The following CDH20 variants were observed in gnomAD, a reference collection of about 807,000 sequenced individuals.
The protein encoded by CDH20 is cadherin 20, also known as cadherin-20.
CDH20 carries 29 observed loss-of-function variants against 74.2 expected under a neutral mutation model. The ratio of observed to expected loss-of-function variants is 0.39; its 90% CI spans 0.29 to 0.53. The LOEUF (loss-of-function observed/expected upper bound fraction) is 0.53. Ranked by LOEUF, CDH20 falls within the 20% of genes least tolerant of loss-of-function variation. CDH20 has a pLI of 0.69. For synonymous variants in CDH20, 469 were observed against 405.4 expected (o/e 1.16, Z -1.88); for missense variants, 988 against 1,048.3 (o/e 0.94, Z 0.79).
At chr18:61,430,633 T>G (rs1004215354) in intron 1 of CDH20, among the ~76,000 whole-genome samples, 2 of 152,206 alleles carry the variant, frequency 1.3e-5, no homozygotes, top group Non-Finnish European at 2.9e-5. Context: ...TGCCATTTAA[T>G]TAATAATTTT....
chr18:61,436,803 T>G lies in CDH20; in HGVS notation c.-152-53599T>G, dbSNP rs181174783. Reference sequence around the variant, plus strand: ...AGCCTTGGCTAAGCAAATCAGGCTTTTCCTGTTCTGCATTGAGTCTGGAGA... The same window carrying G: ...AGCCTTGGCTAAGCAAATCAGGCTTGTCCTGTTCTGCATTGAGTCTGGAGA... On this transcript the variant is annotated intron_variant, in intron 1 of 11. Coordinates refer to ENST00000262717, the MANE Select transcript of CDH20 (RefSeq NM_031891.4). 2.6e-5 allele frequency among the ~76,000 whole-genome samples: 4 copies of G among 152,200 alleles called. No homozygotes were observed. In the East Asian group the frequency reaches 7.7e-4, roughly 29 times the overall value.
chr18:61,536,236 A>G (rs1447010240), intron 7 of CDH20, among the ~76,000 whole-genome samples: 1 of 152,216 alleles, frequency 6.6e-6, no homozygotes. Context: ...AATAGCTTAC[A>G]ACTTCCCCAA....
chr18:61,366,034 G>GTT (rs1161088976), intron 1 of CDH20, among the ~76,000 whole-genome samples: 1 of 152,086 alleles, frequency 6.6e-6, no homozygotes, highest in Non-Finnish European at 1.5e-5. Flanking sequence ...GCCTCTTACA[G>GTT]TTTTCATATG....
intron 1 of CDH20, among the ~76,000 whole-genome samples, chr18:61,342,846 T>C (rs1909997038): frequency 6.6e-6 from 1 of 152,218 alleles, no homozygotes; most frequent in Admixed American, 6.5e-5. Flanking sequence ...GTAAAAAAGA[T>C]ATATATCAGA....
chr18:61,446,027 A>T (rs1421118295), intron 1 of CDH20, among the ~76,000 whole-genome samples: 1 of 152,122 alleles, frequency 6.6e-6, no homozygotes, highest in Non-Finnish European at 1.5e-5. Context: ...TTCCAATGAC[A>T]AGCATCCCAA....
At chr18:61,530,454 G>C (rs1599150096) in intron 7 of CDH20, among the ~76,000 whole-genome samples, 1 of 152,072 alleles carries the variant, frequency 6.6e-6, no homozygotes, top group African/African-American at 2.4e-5. Context: ...CTGCATTTTT[G>C]TTACAAAGAA....
At chr18:61,532,532 GTATATA>G (rs34829043) in intron 7 of CDH20, among the ~76,000 whole-genome samples, 39 of 145,514 alleles carry the variant, frequency 2.7e-4, no homozygotes, top group African/African-American at 7.0e-4. Flanking sequence ...TGTATTGTAT[GTATATA>G]TATATATATA....
intron 1 of CDH20, among the ~76,000 whole-genome samples, chr18:61,423,078 T>C (rs1393027210): frequency 6.6e-6 from 1 of 152,224 alleles, no homozygotes; most frequent in African/African-American, 2.4e-5. Context: ...TCTGTTCTTT[T>C]TATCAAGAAT....
At chr18:61,473,301 C>T (rs532356440) in intron 1 of CDH20, among the ~76,000 whole-genome samples, 1 of 152,218 alleles carries the variant, frequency 6.6e-6, no homozygotes, top group East Asian at 1.9e-4. Context: ...AATGTATTTC[C>T]CATTAATAAG....
At chr18:61,507,829 A>G (rs521529) in intron 6 of CDH20, among the ~76,000 whole-genome samples, 7,918 of 152,220 alleles carry the variant, frequency 0.052, 315 homozygotes, top group African/African-American at 0.11. Flanking sequence ...CCTTCTACCC[A>G]GCCACTTAAA....
intron 5 of CDH20, among the ~76,000 whole-genome samples, chr18:61,505,184 A>AATTACATAGCTCAGGTT (rs1363139142): frequency 6.6e-6 from 1 of 152,118 alleles, no homozygotes; most frequent in Non-Finnish European, 1.5e-5. Flanking sequence ...AGAACCAGCT[A>AATTACATAGCTCAGGTT]ATTACATAGC....
At chr18:61,501,747 A>C (rs1911391182) in intron 4 of CDH20, among the ~76,000 whole-genome samples, 1 of 152,224 alleles carries the variant, frequency 6.6e-6, no homozygotes, top group Non-Finnish European at 1.5e-5. Context: ...TCTATAAAAC[A>C]GTAACTTTAA....
At chr18:61,461,986 A>G (rs1007090024) in intron 1 of CDH20, among the ~76,000 whole-genome samples, 7 of 152,190 alleles carry the variant, frequency 4.6e-5, no homozygotes, top group Non-Finnish European at 8.8e-5. Context: ...CAGAGGCTGC[A>G]GTGAAGTTAC....
At chr18:61,431,974 C>T (rs1913269930) in intron 1 of CDH20, among the ~76,000 whole-genome samples, 1 of 152,072 alleles carries the variant, frequency 6.6e-6, no homozygotes, top group South Asian at 2.1e-4. Flanking sequence ...TGGTGACTCA[C>T]ACCTGTAATC....
At chr18:61,547,709 C>G in intron 10 of CDH20, among the ~76,000 whole-genome samples, 1 of 143,952 alleles carries the variant, frequency 6.9e-6, no homozygotes. Flanking sequence ...TTTTACCATG[C>G]CCCCCCACTA....
chr18:61,552,396 A>G (rs1913466841), intron 11 of CDH20, among the ~76,000 whole-genome samples: 1 of 151,848 alleles, frequency 6.6e-6, no homozygotes, highest in African/African-American at 2.4e-5. Flanking sequence ...TAATTAGATT[A>G]CCTTAAAAAA....
At chr18:61,461,750 C>T (rs542464750) in intron 1 of CDH20, among the ~76,000 whole-genome samples, 16 of 152,234 alleles carry the variant, frequency 1.1e-4, no homozygotes, top group African/African-American at 3.4e-4. Flanking sequence ...GCTCAAGAGC[C>T]CTGTTACAGA....
intron 6 of CDH20, among the ~76,000 whole-genome samples, chr18:61,509,036 G>T (rs962945747): frequency 1.3e-5 from 2 of 152,170 alleles, no homozygotes; most frequent in Non-Finnish European, 2.9e-5. Flanking sequence ...AGGGCGTAAA[G>T]GCATAAGAAT....
At chr18:61,488,854 G>A (rs150186140) in intron 1 of CDH20, among the ~76,000 whole-genome samples, 32 of 152,294 alleles carry the variant, frequency 2.1e-4, no homozygotes, top group Middle Eastern at 3.4e-3. Flanking sequence ...ACACCTCCCT[G>A]TAGACAGGGA....
Sources: gnomAD v4.1 joint callset for allele counts (sites outside exome capture counted in the v4.1 genomes callset) on GRCh38, gnomAD v4.1.1 for gene constraint, MANE v1.5 for transcripts, NCBI Gene and HGNC (gene_info 2026-07-23, HGNC 2026-07-21) for gene names.